The following SBK1 variants were observed in gnomAD, a reference collection of about 807,000 sequenced individuals.
SBK1 encodes the protein SH3 domain binding kinase 1, also known as serine/threonine-protein kinase SBK1.
In SBK1, 11 loss-of-function variants were observed where a neutral mutation model predicts 24.4. The observed-to-expected ratio is 0.45, with a 90% CI of 0.28 to 0.75. The LOEUF (loss-of-function observed/expected upper bound fraction) is 0.75. SBK1 is among the 30% of genes least tolerant of loss of function. The pLI is 0.12. For missense variants in SBK1, 467 were observed against 620.5 expected (o/e 0.75, Z 2.63); for synonymous variants, 308 against 284.4 (o/e 1.08, Z -0.83).
intron 1 of SBK1, among the ~76,000 whole-genome samples, chr16:28,293,533 C>A (rs932257543): frequency 5.8e-4 from 88 of 152,176 alleles, no homozygotes; most frequent in African/African-American, 2.1e-3. Context: ...CCCGGCCCCA[C>A]GGAGGAGTGG....
intron 1 of SBK1, among the ~76,000 whole-genome samples, chr16:28,311,747 A>G (rs1322972372): frequency 6.6e-6 from 1 of 152,154 alleles, no homozygotes; most frequent in Non-Finnish European, 1.5e-5. Context: ...ATAAAGCCAT[A>G]GAGAGGCAGC....
chr16:28,306,255 G>A (rs2141583866), intron 1 of SBK1, among the ~76,000 whole-genome samples: 1 of 152,300 alleles, frequency 6.6e-6, no homozygotes, highest in East Asian at 1.9e-4. Context: ...ATGGGGGAAG[G>A]GGAGAGCCCG....
At chr16:28,260,035 T>C (rs944254205) in intron 1 of SBK1, among the ~76,000 whole-genome samples, 2 of 152,104 alleles carry the variant, frequency 1.3e-5, no homozygotes, top group Non-Finnish European at 2.9e-5. Context: ...CTAACAGATG[T>C]TCCATCTTTG....
In SBK1 at chr16:28,317,227, G is replaced by A. The variant is rs569189516; in HGVS notation, c.-7-158G>A. 6.6e-6 allele frequency among the ~76,000 whole-genome samples: 1 copy of A among 152,134 alleles called. No homozygotes were observed. Among genetic ancestry groups the A allele is most frequent in the Non-Finnish European group, 1.5e-5 (1 of 68,024 alleles). The stretch of plus-strand genomic sequence containing the variant: ...CCTGGCCCCTGAGGCTTTGGGGAAG[G>A]CGACGCGACCAAGATGCTTGTCGCC... On this transcript the variant is annotated intron_variant, in intron 1 of 3. Coordinates refer to ENST00000341901, the MANE Select transcript of SBK1 (RefSeq NM_001024401.3). This position sits in a 1 kb window ranked among gnomAD's most constrained non-coding sequence, Gnocchi z 4.2.
At chr16:28,289,913 C>T (rs1274848048), upstream of SBK1, among the ~76,000 whole-genome samples, 1 of 151,920 alleles carries the variant, frequency 6.6e-6, no homozygotes, top group Non-Finnish European at 1.5e-5. Context: ...TGGCAAAACC[C>T]CATCTCTACA....
Position 28,292,553 on chromosome 16 carries a change from G to T in SBK1, c.-755G>T. Reference sequence around the variant, plus strand: ...GCCGCGATGGAGCGCAGCCCGGGCGGGCGCCGGGGCCGGGGCCCGAGCGCC... The same window carrying T: ...GCCGCGATGGAGCGCAGCCCGGGCGTGCGCCGGGGCCGGGGCCCGAGCGCC... On this transcript the variant is annotated 5_prime_UTR_variant, in exon 1 of 4. Transcript: ENST00000341901. The T allele has an allele frequency of 1.0e-6, 1 of 979,336 alleles. No homozygotes were observed. Among genetic ancestry groups the T allele is most frequent in the South Asian group, 4.6e-5 (1 of 21,516 alleles). 60.7% of individuals were successfully genotyped at this position (979,336 alleles called of 1,614,324 possible).
chr16:28,265,241 C>G (rs1036727658), intron 1 of SBK1, among the ~76,000 whole-genome samples: 1 of 150,848 alleles, frequency 6.6e-6, no homozygotes, highest in Non-Finnish European at 1.5e-5. Context: ...ACATGAGACC[C>G]CCATCTCTAT....
intron 1 of SBK1, among the ~76,000 whole-genome samples, chr16:28,281,667 C>G (rs2044533969): frequency 6.6e-6 from 1 of 152,140 alleles, no homozygotes; most frequent in Non-Finnish European, 1.5e-5. Context: ...TGTCTGTGTC[C>G]CTGACAGATG....
At chr16:28,306,540 A>T (rs1219876969) in intron 1 of SBK1, among the ~76,000 whole-genome samples, 2 of 152,186 alleles carry the variant, frequency 1.3e-5, no homozygotes, top group Non-Finnish European at 2.9e-5. Flanking sequence ...TGAGCCCACA[A>T]ATCAGAGAGG....
intron 1 of SBK1, among the ~76,000 whole-genome samples, 185 bp downstream of exon 1, chr16:28,293,485 C>T (rs907964137): frequency 4.6e-5 from 7 of 152,170 alleles, no homozygotes; most frequent in Non-Finnish European, 8.8e-5. Context: ...CTCCCTTCCC[C>T]CACCCCACTC....
chr16:28,297,456 C>T (rs775414252), intron 1 of SBK1, among the ~76,000 whole-genome samples: 12 of 152,164 alleles, frequency 7.9e-5, no homozygotes, highest in African/African-American at 1.2e-4. Context: ...AGGGAGTGCA[C>T]CCTTTTTCTG....
chr16:28,303,492 C>A (rs1031593037), intron 1 of SBK1, among the ~76,000 whole-genome samples: 10 of 121,636 alleles, frequency 8.2e-5, no homozygotes, highest in African/African-American at 3.1e-4. Flanking sequence ...TTTTCTTTTT[C>A]TTTTCTTTTC....
At chr16:28,298,594 T>C (rs146719741) in intron 1 of SBK1, among the ~76,000 whole-genome samples, 1 of 152,330 alleles carries the variant, frequency 6.6e-6, no homozygotes, top group Non-Finnish European at 1.5e-5. Context: ...GAGGATTAAG[T>C]GGATCTGTTG....
upstream of SBK1, chr16:28,292,423 C>A: frequency 1.7e-6 from 1 of 594,170 alleles, no homozygotes; most frequent in Non-Finnish European, 2.1e-6. Flanking sequence ...CGAGGGCGCG[C>A]GCCGAGCGGG....
At chr16:28,270,765 G>C (rs1184876700) in intron 1 of SBK1, among the ~76,000 whole-genome samples, 3 of 151,888 alleles carry the variant, frequency 2.0e-5, no homozygotes, top group Non-Finnish European at 1.5e-5. Context: ...CTAATAAAGT[G>C]AGAGTAGAAA....
At chr16:28,304,672 A>G (rs1004003311) in intron 1 of SBK1, among the ~76,000 whole-genome samples, 1 of 151,884 alleles carries the variant, frequency 6.6e-6, no homozygotes, top group African/African-American at 2.4e-5. Context: ...CAGTGGCACA[A>G]TCTCGGCTCA....
intron 1 of SBK1, among the ~76,000 whole-genome samples, chr16:28,275,709 G>A (rs1359338099): frequency 1.3e-5 from 2 of 152,000 alleles, no homozygotes; most frequent in African/African-American, 2.4e-5. Flanking sequence ...ACGAAACCCT[G>A]AGTCTACAAA....
At chr16:28,287,855 G>T (rs1313569317), upstream of SBK1, among the ~76,000 whole-genome samples, 1 of 152,126 alleles carries the variant, frequency 6.6e-6, no homozygotes, top group African/African-American at 2.4e-5. Flanking sequence ...GTAGAGATGG[G>T]GTTTCGCCAT....
intron 1 of SBK1, among the ~76,000 whole-genome samples, chr16:28,295,361 C>T (rs2044631155): frequency 6.6e-6 from 1 of 152,138 alleles, no homozygotes. Flanking sequence ...CTTCCCCTGA[C>T]CTGAAAAGCC....
Sources: allele counts gnomAD v4.1 joint callset (sites outside exome capture counted in the v4.1 genomes callset), GRCh38; gene constraint gnomAD v4.1.1; non-coding constraint Gnocchi (gnomAD v3.1); transcripts MANE v1.5; gene names NCBI Gene and HGNC (gene_info 2026-07-23, HGNC 2026-07-21).